The following TMEM178B variants were observed in gnomAD, a reference collection of about 807,000 sequenced individuals.
TMEM178B encodes transmembrane protein 178B.
A neutral mutation model predicts 31.0 loss-of-function variants in TMEM178B; 5 were observed. The observed-to-expected ratio is 0.16, with a 90% confidence interval of 0.08 to 0.34. The LOEUF is 0.34. Ranked by LOEUF, TMEM178B falls within the 10% of genes least tolerant of loss-of-function variation. TMEM178B has a pLI of 1.00. For synonymous variants in TMEM178B, 164 were observed against 164.0 expected, an observed-to-expected ratio of 1.00 and a Z score of 0.00; for missense variants, 275 against 400.3, an observed-to-expected ratio of 0.69 and a Z score of 2.67.
chr7:141,198,121 A>G (rs1237677943), intron 1 of TMEM178B, among the ~76,000 whole-genome samples: 1 of 152,248 alleles, frequency 6.6e-6, no homozygotes, highest in African/African-American at 2.4e-5. Flanking sequence ...TTTCAAAGGA[A>G]AAGTGGAAAA....
intron 2 of TMEM178B, among the ~76,000 whole-genome samples, chr7:141,246,769 G>A (rs886919700): frequency 4.6e-5 from 7 of 152,096 alleles, no homozygotes; most frequent in East Asian, 1.9e-4. Flanking sequence ...TAAAGGGGCC[G>A]GGGTCAGAGT....
intron 1 of TMEM178B, among the ~76,000 whole-genome samples, chr7:141,116,011 GT>G (rs1459721261): frequency 2.6e-5 from 4 of 152,192 alleles, no homozygotes; most frequent in Non-Finnish European, 5.9e-5. Flanking sequence ...GATGGATGAT[GT>G]TTTTTACTCA....
intron 1 of TMEM178B, among the ~76,000 whole-genome samples, chr7:141,192,415 T>G (rs1000471134): frequency 2.0e-5 from 3 of 151,710 alleles, no homozygotes; most frequent in African/African-American, 7.3e-5. Context: ...AAGGCAGATG[T>G]TCCAGGAGCT....
intron 1 of TMEM178B, among the ~76,000 whole-genome samples, chr7:141,096,831 C>T (rs1794967463): frequency 1.3e-5 from 2 of 152,108 alleles, no homozygotes; most frequent in African/African-American, 2.4e-5. Context: ...GGGTGGCTCA[C>T]ACCTGTTATC....
chr7:141,111,664 G>A (rs553712951), intron 1 of TMEM178B, among the ~76,000 whole-genome samples: 3 of 106,450 alleles, frequency 2.8e-5, no homozygotes, highest in East Asian at 2.7e-4. Context: ...ATGTTAAAAA[G>A]TTGGAGGGGA....
the TMEM178B span, among the ~76,000 whole-genome samples, chr7:141,503,799 T>C: frequency 2.0e-5 from 3 of 152,358 alleles, no homozygotes; most frequent in Admixed American, 6.5e-5. Flanking sequence ...TATGTATGTG[T>C]TGCTTGTAGA....
At chr7:141,093,071 A>G (rs1414887568) in intron 1 of TMEM178B, among the ~76,000 whole-genome samples, 1 of 152,232 alleles carries the variant, frequency 6.6e-6, no homozygotes, top group Non-Finnish European at 1.5e-5. Flanking sequence ...GGTCATAGGA[A>G]GCACTGCAGG....
At chr7:141,325,016 G>A (rs1034078811) in intron 2 of TMEM178B, among the ~76,000 whole-genome samples, 7 of 152,006 alleles carry the variant, frequency 4.6e-5, no homozygotes, top group Admixed American at 1.3e-4. Flanking sequence ...GTGAGGGGCC[G>A]ATGACAATTT....
At chr7:141,452,278 G>A (rs543017791) in intron 3 of TMEM178B, among the ~76,000 whole-genome samples, 2 of 152,234 alleles carry the variant, frequency 1.3e-5, no homozygotes, top group South Asian at 4.2e-4. Flanking sequence ...CTTTGACCCG[G>A]ATTTGTCCTT....
At chr7:141,323,339 A>T (rs1799133744) in intron 2 of TMEM178B, among the ~76,000 whole-genome samples, 1 of 152,228 alleles carries the variant, frequency 6.6e-6, no homozygotes, top group Non-Finnish European at 1.5e-5. Context: ...ATACAAATGG[A>T]GTTTTATAAT....
rs967176408 is a variant in TMEM178B at position 141,253,105 on chromosome 7, C to T, written c.496+40401C>T. The stretch of plus-strand genomic sequence containing the variant: ...TTAAGGCACATCTTGTGCAAAGTGG[C>T]CTCTCTTCCACAGTTTTGGCTCCTG... On this transcript the variant is annotated intron_variant, in intron 2 of 3. Transcript: ENST00000565468. 2.0e-5 allele frequency among the ~76,000 whole-genome samples: 3 copies of T among 152,344 alleles called. No individual in the cohort carries two copies. In the East Asian group the frequency reaches 5.8e-4, roughly 29 times the overall value.
chr7:141,196,422 C>T (rs1220288346), intron 1 of TMEM178B, among the ~76,000 whole-genome samples: 1 of 152,164 alleles, frequency 6.6e-6, no homozygotes, highest in East Asian at 1.9e-4. Context: ...TTTGGAACAA[C>T]TTGTATTCTA....
intron 2 of TMEM178B, among the ~76,000 whole-genome samples, chr7:141,292,930 A>T (rs1798570961): frequency 6.6e-6 from 1 of 152,078 alleles, no homozygotes; most frequent in South Asian, 2.1e-4. Context: ...GAGCCACCGC[A>T]CCCGGCCAGA....
At chr7:141,336,977 ACCACCC>A (rs1799413166) in intron 2 of TMEM178B, among the ~76,000 whole-genome samples, 2 of 107,094 alleles carry the variant, frequency 1.9e-5, no homozygotes, top group Non-Finnish European at 3.8e-5. Context: ...CACCACCACC[ACCACCC>A]CCATCACTAC....
chr7:141,467,595 T>C (rs1802167467), intron 3 of TMEM178B, among the ~76,000 whole-genome samples: 1 of 152,094 alleles, frequency 6.6e-6, no homozygotes, highest in Non-Finnish European at 1.5e-5. Flanking sequence ...TGGGCTGCCC[T>C]CTACACTTCT....
chr7:141,423,061 A>G (rs902795407), intron 2 of TMEM178B, among the ~76,000 whole-genome samples: 3 of 152,212 alleles, frequency 2.0e-5, no homozygotes, highest in Admixed American at 1.3e-4. Context: ...TTATTTTGCA[A>G]TGGAGTCTTG....
intron 3 of TMEM178B, among the ~76,000 whole-genome samples, chr7:141,442,726 C>T (rs182943470): frequency 4.5e-4 from 68 of 152,262 alleles, no homozygotes; most frequent in African/African-American, 1.4e-3. Flanking sequence ...CTTGACCACC[C>T]AGTTTCATGC....
chr7:141,207,685 C>T (rs1439042237), intron 1 of TMEM178B, among the ~76,000 whole-genome samples: 1 of 152,108 alleles, frequency 6.6e-6, no homozygotes, highest in Non-Finnish European at 1.5e-5. Context: ...TCCTTAATTA[C>T]CTGTGTCTTG....
chr7:141,196,983 G>A (rs1796792721), intron 1 of TMEM178B, among the ~76,000 whole-genome samples: 1 of 152,156 alleles, frequency 6.6e-6, no homozygotes. Flanking sequence ...ACTGAGGCCA[G>A]AAGAAGACAG....
Sources: gnomAD v4.1 joint callset for allele counts (sites outside exome capture counted in the v4.1 genomes callset) on GRCh38, gnomAD v4.1.1 for gene constraint, MANE v1.5 for transcripts, NCBI Gene and HGNC (gene_info 2026-07-23, HGNC 2026-07-21) for gene names.